Variants in TRANK1 observed in about 807,000 individuals in gnomAD.
The protein encoded by TRANK1 is TPR and ankyrin repeat-containing protein 1.
Under a neutral mutation model 266.0 loss-of-function variants are expected in TRANK1, and 198 were observed. That is an observed-to-expected ratio of 0.74 (90% CI 0.66 to 0.84). The LOEUF (loss-of-function observed/expected upper bound fraction) is 0.84, where lower values mean the gene tolerates loss of function less well. TRANK1 is among the 40% of genes least tolerant of loss of function. The pLI is 0.00. For synonymous variants in TRANK1, 1,396 were observed against 1,384.1 expected, an observed-to-expected ratio of 1.01 and a Z score of -0.19; for missense variants, 3,326 against 3,634.6, an observed-to-expected ratio of 0.92 and a Z score of 2.18.
At chr3:36,891,231 T>C (rs1353277609) in intron 7 of TRANK1, among the ~76,000 whole-genome samples, 2 of 151,840 alleles carry the variant, frequency 1.3e-5, no homozygotes, top group Admixed American at 1.3e-4. Context: ...TCCCAGATAC[T>C]CGGGGGGCTG....
chr3:36,898,616 C>T (rs2079828572), intron 4 of TRANK1, among the ~76,000 whole-genome samples: 1 of 152,108 alleles, frequency 6.6e-6, no homozygotes, highest in Non-Finnish European at 1.5e-5. Context: ...CTTTGGGAGG[C>T]CAAGGCGGGC....
intron 1 of TRANK1, among the ~76,000 whole-genome samples, chr3:36,934,498 A>G (rs186173556): frequency 4.9e-4 from 75 of 152,258 alleles, no homozygotes; most frequent in Admixed American, 3.3e-3. Context: ...AAGCAAGGAA[A>G]AGTGACCTGC....
At chr3:36,885,242 G>A (rs1292324191) in intron 8 of TRANK1, among the ~76,000 whole-genome samples, 1 of 152,184 alleles carries the variant, frequency 6.6e-6, no homozygotes, top group East Asian at 1.9e-4. Context: ...TTGACATCAT[G>A]AACCCCTTGG....
chr3:36,833,999 A>T, intron 21 of TRANK1, 80 bp from the exon 22 acceptor site: 1 of 1,375,620 alleles, frequency 7.3e-7, no homozygotes, highest in Non-Finnish European at 9.6e-7. Context: ...AGTGCAGAGC[A>T]ACTTAAATAA....
chr3:36,834,165 T>C (rs1490385585), intron 21 of TRANK1, among the ~76,000 whole-genome samples: 5 of 152,238 alleles, frequency 3.3e-5, no homozygotes, highest in Admixed American at 3.3e-4. Flanking sequence ...TAATGAAATA[T>C]AGTGGAGGTG....
intron 9 of TRANK1, among the ~76,000 whole-genome samples, chr3:36,864,933 C>G (rs1377077876): frequency 6.6e-6 from 1 of 152,006 alleles, no homozygotes; most frequent in East Asian, 1.9e-4. Context: ...TCAATTAAGG[C>G]CATAAGAACA....
At chr3:36,923,626 G>A (rs2080247918) in intron 1 of TRANK1, among the ~76,000 whole-genome samples, 1 of 152,082 alleles carries the variant, frequency 6.6e-6, no homozygotes, top group Non-Finnish European at 1.5e-5. Context: ...GTGGCCTGTA[G>A]GGGGAACTCT....
intron 1 of TRANK1, among the ~76,000 whole-genome samples, chr3:36,914,310 T>C (rs959805930): frequency 5.3e-4 from 81 of 152,018 alleles, no homozygotes; most frequent in African/African-American, 1.9e-3. Flanking sequence ...ATTTTTGTAT[T>C]TTTAGTAGAG....
intron 13 of TRANK1, among the ~76,000 whole-genome samples, chr3:36,854,128 A>C (rs2079019245): frequency 6.6e-6 from 1 of 152,192 alleles, no homozygotes; most frequent in African/African-American, 2.4e-5. Flanking sequence ...TGGGAGCCTG[A>C]GGTGGGTGGA....
chr3:36,892,390 T>C, intron 6 of TRANK1, 50 bp from the exon 7 acceptor site: 7 of 1,532,494 alleles, frequency 4.6e-6, no homozygotes, highest in Non-Finnish European at 6.1e-6. Flanking sequence ...CTAATCAATA[T>C]GAAGCTTCAA....
chr3:36,879,208 A>G (rs1352517718), intron 8 of TRANK1, among the ~76,000 whole-genome samples: 1 of 151,982 alleles, frequency 6.6e-6, no homozygotes, highest in Non-Finnish European at 1.5e-5. Flanking sequence ...ATACATACAC[A>G]AAAACAAAAC....
intron 1 of TRANK1, among the ~76,000 whole-genome samples, chr3:36,914,729 G>A (rs976989963): frequency 1.3e-5 from 2 of 149,030 alleles, no homozygotes; most frequent in African/African-American, 2.5e-5. Context: ...CCTCTGCCTC[G>A]TGGATTCAAG....
At chr3:36,899,567 G>C (rs944495934) in intron 3 of TRANK1, among the ~76,000 whole-genome samples, 4 of 152,212 alleles carry the variant, frequency 2.6e-5, no homozygotes, top group Non-Finnish European at 5.9e-5. Flanking sequence ...GCTGAGGTGA[G>C]AGGATTACCT....
At chr3:36,896,244 C>T (rs2079787828) in intron 4 of TRANK1, among the ~76,000 whole-genome samples, 1 of 152,170 alleles carries the variant, frequency 6.6e-6, no homozygotes, top group African/African-American at 2.4e-5. Context: ...CCCAGATCTA[C>T]CAACTCTTGT....
At chr3:36,860,808 G>A (rs985230129) in intron 11 of TRANK1, 98 bp downstream of exon 11, 4 of 1,468,858 alleles carry the variant, frequency 2.7e-6, no homozygotes, top group African/African-American at 2.8e-5. Context: ...GAACTTCATG[G>A]TGCCTCCAAA....
At chr3:36,867,243 A>G (rs752175281) in intron 9 of TRANK1, among the ~76,000 whole-genome samples, 1 of 152,214 alleles carries the variant, frequency 6.6e-6, no homozygotes, top group Non-Finnish European at 1.5e-5. Flanking sequence ...TTCCTTCACT[A>G]TCAAGCTGAT....
rs1477368146 is a variant in TRANK1, at chr3:36,879,881, T to C, written c.908-5585A>G. 2.0e-5 allele frequency among the ~76,000 whole-genome samples: 2 copies of C among 98,796 alleles called. 1 individual carries two copies. Among genetic ancestry groups the C allele is most frequent in the African/African-American group, 9.8e-5 (2 of 20,472 alleles). 64.8% of individuals were successfully genotyped at this position (98,796 alleles called of 152,430 possible). On this transcript the variant is annotated intron_variant, in intron 8 of 23. Coordinates refer to ENST00000645898, the MANE Select transcript of TRANK1 (RefSeq NM_001329998.2). ...ACAAATATATGTAAACATACAAATA[T>C]ATGTAAACATGCAAATATATGTAAA... is the stretch of plus-strand genomic sequence containing the variant.
chr3:36,874,406 C>A, intron 8 of TRANK1, 110 bp from the exon 9 acceptor site: 1 of 1,200,984 alleles, frequency 8.3e-7, no homozygotes, highest in Non-Finnish European at 1.1e-6. Context: ...GGCAAGAGGA[C>A]TAGGGTCTTC....
intron 1 of TRANK1, among the ~76,000 whole-genome samples, chr3:36,925,878 C>T (rs760809793): frequency 1.2e-4 from 18 of 152,166 alleles, no homozygotes; most frequent in Non-Finnish European, 2.5e-4. Flanking sequence ...GCCACTGTGC[C>T]CGGCCGTTGA....
Sources: gnomAD v4.1 joint callset for allele counts (sites outside exome capture counted in the v4.1 genomes callset) on GRCh38, gnomAD v4.1.1 for gene constraint, MANE v1.5 for transcripts, NCBI Gene and HGNC (gene_info 2026-07-23, HGNC 2026-07-21) for gene names.